MACROD2: variants seen among roughly 807,000 people sequenced by gnomAD.
MACROD2 encodes the protein ADP-ribose glycohydrolase MACROD2.
Under a neutral mutation model 70.4 loss-of-function variants are expected in MACROD2, and 36 were observed. That is an observed-to-expected ratio of 0.51 (90% CI 0.39 to 0.68). The LOEUF (loss-of-function observed/expected upper bound fraction) is 0.68. Ranked by LOEUF, MACROD2 falls within the 30% of genes least tolerant of loss-of-function variation. The pLI is 0.00. For missense variants in MACROD2, 496 were observed against 538.4 expected, an observed-to-expected ratio of 0.92 and a Z score of 0.78; for synonymous variants, 172 against 178.8, an observed-to-expected ratio of 0.96 and a Z score of 0.30.
chr20:15,630,933 C>A (rs1316867059), intron 8 of MACROD2, among the ~76,000 whole-genome samples: 1 of 152,180 alleles, frequency 6.6e-6, no homozygotes, highest in Non-Finnish European at 1.5e-5. Flanking sequence ...AAGTTTACCC[C>A]AGGTTAGCTT....
chr20:14,476,957 T>A (rs2084601920), intron 3 of MACROD2, among the ~76,000 whole-genome samples: 1 of 152,164 alleles, frequency 6.6e-6, no homozygotes, highest in Admixed American at 6.5e-5. Flanking sequence ...GAATTATAGC[T>A]CAGGCTGATG....
At chr20:15,327,217 A>G (rs1022108770) in intron 6 of MACROD2, among the ~76,000 whole-genome samples, 10 of 152,238 alleles carry the variant, frequency 6.6e-5, no homozygotes, top group East Asian at 1.9e-4. Context: ...AGAAAGGCCT[A>G]TTTGTTCAGA....
intron 8 of MACROD2, among the ~76,000 whole-genome samples, chr20:15,674,904 C>T (rs544439533): frequency 1.7e-3 from 266 of 152,238 alleles, no homozygotes; most frequent in African/African-American, 6.1e-3. Context: ...CTCTCCATTA[C>T]TTTTAGTTTT....
At chr20:15,314,116 A>G (rs1413308655) in intron 6 of MACROD2, among the ~76,000 whole-genome samples, 2 of 152,208 alleles carry the variant, frequency 1.3e-5, no homozygotes, top group African/African-American at 4.8e-5. Flanking sequence ...GTTGAAATTT[A>G]CATGGTGAGT....
chr20:15,849,096 G>A (rs575844824), intron 8 of MACROD2, among the ~76,000 whole-genome samples: 1 of 152,266 alleles, frequency 6.6e-6, no homozygotes, highest in Admixed American at 6.5e-5. Context: ...AGGCACAGAT[G>A]TAACTCACCA....
chr20:15,542,646 T>C (rs773748559), intron 8 of MACROD2, among the ~76,000 whole-genome samples: 3 of 152,218 alleles, frequency 2.0e-5, no homozygotes, highest in Non-Finnish European at 2.9e-5. Flanking sequence ...AACACTTGAC[T>C]GATCTTTGAC....
At chr20:15,152,339 A>C in intron 5 of MACROD2, among the ~76,000 whole-genome samples, 1 of 151,674 alleles carries the variant, frequency 6.6e-6, no homozygotes, top group Non-Finnish European at 1.5e-5. Flanking sequence ...AGGCAAGCCC[A>C]GAGAAAAGAG....
intron 6 of MACROD2, among the ~76,000 whole-genome samples, chr20:15,356,017 T>G (rs2078283124): frequency 6.6e-6 from 1 of 152,206 alleles, no homozygotes; most frequent in African/African-American, 2.4e-5. Flanking sequence ...CAGACTTTTC[T>G]TCTGTAATGA....
Position 15,793,608 on chromosome 20 carries a change from A to G in MACROD2, c.646-69137A>G, listed in dbSNP as rs2063645842. 2.0e-5 allele frequency among the ~76,000 whole-genome samples: 3 copies of G among 151,854 alleles called. No homozygotes were observed. The South Asian group carries it at 6.2e-4, about 31-fold the overall frequency. On this transcript the variant is annotated intron_variant, in intron 8 of 17. Coordinates refer to ENST00000684519, the MANE Select transcript of MACROD2 (RefSeq NM_001351661.2). ...AATAAGATCAAATCCACTGCTTTTT[A>G]GTTGCTCCTTAAATATTTTGTTTGG...
intron 4 of MACROD2, among the ~76,000 whole-genome samples, chr20:14,498,675 C>G (rs139190109): frequency 0.012 from 1,822 of 152,260 alleles, 17 homozygotes; most frequent in Middle Eastern, 0.02. Context: ...CTGAAAACAA[C>G]TAATTTCACA....
chr20:14,163,479 T>G (rs572276360), intron 3 of MACROD2, among the ~76,000 whole-genome samples: 33 of 152,258 alleles, frequency 2.2e-4, no homozygotes, highest in Non-Finnish European at 3.5e-4. Context: ...CTCCTGAATC[T>G]GGATGTCTAA....
At chr20:14,303,191 A>G (rs1228158354) in intron 3 of MACROD2, among the ~76,000 whole-genome samples, 2 of 152,126 alleles carry the variant, frequency 1.3e-5, no homozygotes, top group African/African-American at 2.4e-5. Context: ...AGGGTCACAT[A>G]GCTTTGCTAT....
chr20:13,996,837 G>A (rs1457769389), intron 1 of MACROD2, among the ~76,000 whole-genome samples: 1 of 152,188 alleles, frequency 6.6e-6, no homozygotes, highest in Non-Finnish European at 1.5e-5. Context: ...GCAAGGGTGA[G>A]GTCTATTGAG....
At chr20:14,532,730 C>G (rs1038537933) in intron 4 of MACROD2, among the ~76,000 whole-genome samples, 6 of 152,134 alleles carry the variant, frequency 3.9e-5, no homozygotes, top group African/African-American at 1.4e-4. Flanking sequence ...GGCAGTTTCT[C>G]AAAATGTCAA....
intron 8 of MACROD2, among the ~76,000 whole-genome samples, chr20:15,858,312 G>A (rs563962818): frequency 1.9e-3 from 288 of 152,140 alleles, no homozygotes; most frequent in Non-Finnish European, 2.8e-3. Flanking sequence ...ATGCTCCTGG[G>A]CCTCAATAGC....
chr20:15,108,403 T>C (rs2075928492), intron 5 of MACROD2, among the ~76,000 whole-genome samples: 1 of 152,196 alleles, frequency 6.6e-6, no homozygotes, highest in Non-Finnish European at 1.5e-5. Context: ...CTTTTTATGC[T>C]TCTATTTTAG....
At chr20:15,709,866 A>G (rs1418406392) in intron 8 of MACROD2, among the ~76,000 whole-genome samples, 1 of 152,156 alleles carries the variant, frequency 6.6e-6, no homozygotes, top group Non-Finnish European at 1.5e-5. Context: ...AATACTATAG[A>G]ACACTAGAAC....
intron 5 of MACROD2, among the ~76,000 whole-genome samples, chr20:14,981,128 A>T (rs1299422532): frequency 6.6e-6 from 1 of 151,838 alleles, no homozygotes; most frequent in Non-Finnish European, 1.5e-5. Flanking sequence ...TATAGCTTTT[A>T]GGAAAAAAAC....
intron 8 of MACROD2, among the ~76,000 whole-genome samples, chr20:15,647,659 A>T (rs2049568491): frequency 6.6e-6 from 1 of 152,066 alleles, no homozygotes; most frequent in Non-Finnish European, 1.5e-5. Flanking sequence ...TATTTTACTG[A>T]TAGGGTCTGG....
Sources: allele counts gnomAD v4.1 joint callset (sites outside exome capture counted in the v4.1 genomes callset), GRCh38; gene constraint gnomAD v4.1.1; transcripts MANE v1.5; gene names NCBI Gene and HGNC (gene_info 2026-07-23, HGNC 2026-07-21).